The following HS3ST5 variants were observed in gnomAD, a reference collection of about 807,000 sequenced individuals.
HS3ST5 encodes heparan sulfate glucosamine 3-O-sulfotransferase 5.
A neutral mutation model predicts 25.4 loss-of-function variants in HS3ST5; 10 were observed. That is an observed-to-expected ratio of 0.39 (90% CI 0.24 to 0.67). The LOEUF is 0.67. Among genes scored for constraint, HS3ST5 ranks in the 30% least tolerant of loss-of-function variants. The probability of loss-of-function intolerance (pLI) is 0.44; values close to 1 mark genes in which losing one functional copy is unlikely to be tolerated. For synonymous variants in HS3ST5, 170 were observed against 162.4 expected (o/e 1.05, Z -0.36); for missense variants, 324 against 420.7 (o/e 0.77, Z 2.01).
At chr6:114,228,082 T>C (rs1344709131) in intron 2 of HS3ST5, among the ~76,000 whole-genome samples, 3 of 152,094 alleles carry the variant, frequency 2.0e-5, no homozygotes, top group East Asian at 3.8e-4. Context: ...GGTTTGAAAA[T>C]GGGAACTAGA....
intron 1 of HS3ST5, among the ~76,000 whole-genome samples, chr6:114,292,788 T>C (rs942410561): frequency 6.6e-6 from 1 of 152,186 alleles, no homozygotes; most frequent in Non-Finnish European, 1.5e-5. Flanking sequence ...AATTGCACAA[T>C]ATTTGCATAT....
intron 1 of HS3ST5, among the ~76,000 whole-genome samples, chr6:114,329,045 C>A (rs1049646442): frequency 6.6e-6 from 1 of 152,022 alleles, no homozygotes; most frequent in Non-Finnish European, 1.5e-5. Context: ...GTTGTAAATG[C>A]GTCATGATGG....
intron 1 of HS3ST5, among the ~76,000 whole-genome samples, chr6:114,323,442 T>C (rs1776046817): frequency 6.6e-6 from 1 of 152,154 alleles, no homozygotes; most frequent in African/African-American, 2.4e-5. Flanking sequence ...TCAAAAATCA[T>C]TGTAACCCTT....
At chr6:114,100,539 A>G (rs1048088560) in intron 3 of HS3ST5, among the ~76,000 whole-genome samples, 2 of 152,186 alleles carry the variant, frequency 1.3e-5, no homozygotes, top group African/African-American at 4.8e-5. Context: ...ACACTGCCCA[A>G]CTATTTCTTC....
chr6:114,071,682 TA>T (rs1773834413), intron 3 of HS3ST5, among the ~76,000 whole-genome samples: 2 of 152,208 alleles, frequency 1.3e-5, no homozygotes, highest in Admixed American at 1.3e-4. Flanking sequence ...CACATCTCTT[TA>T]GATGTGGTAC....
At chr6:114,152,077 C>T (rs1298733294) in intron 3 of HS3ST5, among the ~76,000 whole-genome samples, 2 of 151,946 alleles carry the variant, frequency 1.3e-5, no homozygotes, top group Admixed American at 6.6e-5. Context: ...ACTACAGGCG[C>T]GTGCCACCAT....
intron 1 of HS3ST5, among the ~76,000 whole-genome samples, chr6:114,261,757 A>G (rs766347266): frequency 1.3e-5 from 2 of 152,196 alleles, no homozygotes; most frequent in Non-Finnish European, 2.9e-5. Flanking sequence ...TGCTTTTTGC[A>G]GTGCTTCAGA....
chr6:114,077,079 T>C (rs1457557547), intron 3 of HS3ST5, among the ~76,000 whole-genome samples: 3 of 152,218 alleles, frequency 2.0e-5, no homozygotes, highest in African/African-American at 7.2e-5. Flanking sequence ...TATGGGTTCT[T>C]CATTTCTGTC....
At chr6:114,205,254 T>C (rs1781219855) in intron 2 of HS3ST5, among the ~76,000 whole-genome samples, 2 of 152,180 alleles carry the variant, frequency 1.3e-5, no homozygotes, top group East Asian at 1.9e-4. Context: ...GTTACAAATT[T>C]AGAGGTTCCA....
At chr6:114,259,281 T>C (rs1353730423) in intron 1 of HS3ST5, among the ~76,000 whole-genome samples, 1 of 152,118 alleles carries the variant, frequency 6.6e-6, no homozygotes, top group Admixed American at 6.6e-5. Flanking sequence ...GAATGAGTTT[T>C]TGTGTTCATA....
At chr6:114,123,802 T>G (rs1776909612) in intron 3 of HS3ST5, among the ~76,000 whole-genome samples, 1 of 152,174 alleles carries the variant, frequency 6.6e-6, no homozygotes, top group Non-Finnish European at 1.5e-5. Context: ...TTAATAATTC[T>G]TTGCATATGT....
chr6:114,339,449 C>T (rs927461874), intron 1 of HS3ST5, among the ~76,000 whole-genome samples: 1 of 152,032 alleles, frequency 6.6e-6, no homozygotes, highest in Admixed American at 6.6e-5. Flanking sequence ...CTTTTGTTAA[C>T]TTGTTCATTT....
intron 3 of HS3ST5, among the ~76,000 whole-genome samples, chr6:114,106,282 C>G (rs1320850988): frequency 6.6e-6 from 1 of 151,926 alleles, no homozygotes; most frequent in Non-Finnish European, 1.5e-5. Context: ...TTAAAATAGA[C>G]CTATCGAATA....
intron 3 of HS3ST5, among the ~76,000 whole-genome samples, chr6:114,072,785 A>G (rs1773898814): frequency 6.6e-6 from 1 of 152,252 alleles, no homozygotes; most frequent in African/African-American, 2.4e-5. Context: ...AGAATTGGAA[A>G]AAAACTACTG....
intron 3 of HS3ST5, among the ~76,000 whole-genome samples, chr6:114,099,438 T>C (rs559019163): frequency 1.3e-5 from 2 of 152,292 alleles, no homozygotes; most frequent in South Asian, 4.1e-4. Context: ...TCCTATTCCC[T>C]AAGGTCTATT....
intron 2 of HS3ST5, among the ~76,000 whole-genome samples, chr6:114,221,825 G>GA (rs1782054007): frequency 6.6e-6 from 1 of 151,622 alleles, no homozygotes; most frequent in Admixed American, 6.6e-5. Flanking sequence ...TCACTGACAA[G>GA]AATTACAGTT....
intron 3 of HS3ST5, among the ~76,000 whole-genome samples, chr6:114,129,251 CTTTTTTTTTTT>C (rs398048772): frequency 1.0e-5 from 1 of 98,022 alleles, no homozygotes; most frequent in Non-Finnish European, 1.9e-5. Context: ...CAACAAGAAC[CTTTTTTTTTTT>C]TTTTTTTTTT....
At chr6:114,328,146 T>A (rs1440505683) in intron 1 of HS3ST5, among the ~76,000 whole-genome samples, 1 of 151,924 alleles carries the variant, frequency 6.6e-6, no homozygotes, top group Non-Finnish European at 1.5e-5. Context: ...TCACATATAC[T>A]TTTTATGATA....
chr6:114,325,945 T>C (rs1048057120), intron 1 of HS3ST5, among the ~76,000 whole-genome samples: 3 of 152,244 alleles, frequency 2.0e-5, no homozygotes, highest in Non-Finnish European at 4.4e-5. Context: ...TTAGGCTATG[T>C]TGGTGAACAA....
Sources: allele counts gnomAD v4.1 joint callset (sites outside exome capture counted in the v4.1 genomes callset), GRCh38; gene constraint gnomAD v4.1.1; transcripts MANE v1.5; gene names NCBI Gene and HGNC (gene_info 2026-07-23, HGNC 2026-07-21).